The following PSD3 variants were observed in gnomAD, a reference collection of about 807,000 sequenced individuals.
The protein encoded by PSD3 is PH and SEC7 domain-containing protein 3.
Under a neutral mutation model 105.5 loss-of-function variants are expected in PSD3, and 49 were observed. That is an observed-to-expected ratio of 0.46 (90% CI 0.37 to 0.59). PSD3 has a LOEUF of 0.59. PSD3 is among the 20% of genes least tolerant of loss of function. The probability of loss-of-function intolerance (pLI) is 0.00; values close to 1 mark genes in which losing one functional copy is unlikely to be tolerated. For synonymous variants in PSD3, 557 were observed against 457.8 expected (o/e 1.22, Z -2.77); for missense variants, 1,561 against 1,263.8 (o/e 1.24, Z -3.57).
intron 15 of PSD3, among the ~76,000 whole-genome samples, chr8:18,550,142 A>T (rs1416175777): frequency 6.6e-6 from 1 of 152,200 alleles, no homozygotes; most frequent in East Asian, 1.9e-4. Flanking sequence ...TGATTGATGA[A>T]GGAGGGATTT....
chr8:18,564,403 C>T (rs751541672), intron 14 of PSD3, among the ~76,000 whole-genome samples: 2 of 151,974 alleles, frequency 1.3e-5, no homozygotes, highest in Non-Finnish European at 2.9e-5. Flanking sequence ...CCGATGCGGG[C>T]GGATCACCTG....
At chr8:18,715,546 T>C (rs1372158677) in intron 9 of PSD3, among the ~76,000 whole-genome samples, 1 of 152,212 alleles carries the variant, frequency 6.6e-6, no homozygotes, top group East Asian at 1.9e-4. Context: ...TGGAATGTTT[T>C]TCCTACAGAC....
chr8:18,625,187 T>TACACAC (rs3042894), intron 11 of PSD3, among the ~76,000 whole-genome samples: 2,277 of 149,356 alleles, frequency 0.015, 49 homozygotes, highest in African/African-American at 0.052. Context: ...AGGTGGGGAA[T>TACACAC]ACACACACAC....
chr8:18,785,986 T>C (rs1311495160), intron 8 of PSD3, among the ~76,000 whole-genome samples: 2 of 152,178 alleles, frequency 1.3e-5, no homozygotes, highest in East Asian at 3.8e-4. Context: ...CTTCACTTTG[T>C]TAGGAAAAAT....
At chr8:18,938,726 T>C (rs1586477951) in intron 1 of PSD3, among the ~76,000 whole-genome samples, 1 of 151,822 alleles carries the variant, frequency 6.6e-6, no homozygotes, top group African/African-American at 2.4e-5. Context: ...ATGTAATACA[T>C]GGAATATCTC....
upstream of PSD3, among the ~76,000 whole-genome samples, chr8:19,018,354 C>CT (rs765723109): frequency 3.1e-4 from 37 of 119,384 alleles, no homozygotes; most frequent in African/African-American, 1.2e-3. Flanking sequence ...ATTAAATGCT[C>CT]TTTTTAAAAA....
intron 2 of PSD3, among the ~76,000 whole-genome samples, chr8:18,906,304 C>A (rs1819845285): frequency 2.6e-5 from 4 of 152,190 alleles, no homozygotes; most frequent in African/African-American, 9.7e-5. Flanking sequence ...CTGTAACTCA[C>A]CTAATAAATT....
Position 18,935,965 on chromosome 8 carries a change from G to T in PSD3, c.130+69C>A, listed in dbSNP as rs796148442. The stretch of plus-strand genomic sequence containing the variant: ...GGAAGAAGAAAGTAATGCAGGTGGA[G>T]AAAAATCACTTTGAAATCACAGCTC... On this transcript the variant is annotated intron_variant, in intron 2 of 15. Coordinates refer to ENST00000327040, the MANE Select transcript of PSD3 (RefSeq NM_015310.4). 6 of 1,012,760 alleles carry T rather than the reference G, an allele frequency of 5.9e-6. No individual in the cohort carries two copies. The South Asian group carries it at 7.2e-5, about 12-fold the overall frequency. The allele number at this position is 1,012,760 out of a possible 1,614,324, so 62.7% of individuals were successfully genotyped here. A position where few individuals can be genotyped will look rare whatever the true frequency, so the allele number is the denominator to read the frequency against.
intron 2 of PSD3, among the ~76,000 whole-genome samples, chr8:18,920,650 C>A (rs780470235): frequency 1.3e-5 from 2 of 152,056 alleles, no homozygotes; most frequent in African/African-American, 2.4e-5. Context: ...ATCCTAAGGC[C>A]GGATCATTAG....
At chr8:19,055,065 T>A (rs1376294581) in intron 1 of PSD3, among the ~76,000 whole-genome samples, 1 of 152,174 alleles carries the variant, frequency 6.6e-6, no homozygotes, top group East Asian at 1.9e-4. Flanking sequence ...AAAGCTCTGA[T>A]TCCTCTACTT....
chr8:18,583,387 C>G (rs1044652724), intron 12 of PSD3, among the ~76,000 whole-genome samples: 16 of 152,016 alleles, frequency 1.1e-4, no homozygotes, highest in Admixed American at 2.0e-4. Flanking sequence ...GCTGAGACAC[C>G]GCCATTGCAC....
intron 1 of PSD3, among the ~76,000 whole-genome samples, chr8:19,030,012 A>G (rs1189156430): frequency 6.6e-6 from 1 of 152,294 alleles, no homozygotes; most frequent in African/African-American, 2.4e-5. Context: ...TTAATGCAAT[A>G]TGGAATAGTA....
chr8:19,044,192 C>G (rs923267613), intron 1 of PSD3, among the ~76,000 whole-genome samples: 1 of 152,236 alleles, frequency 6.6e-6, no homozygotes, highest in Admixed American at 6.5e-5. Context: ...CAATATTTAT[C>G]ACTTTCATTG....
Position 18,939,011 on chromosome 8 carries a change from C to A in PSD3, c.22-2869G>T, listed in dbSNP as rs534981520. 2.2e-4 allele frequency among the ~76,000 whole-genome samples: 27 copies of A among 120,900 alleles called. 1 individual carries two copies. The South Asian group carries it at 3.3e-3, about 15-fold the overall frequency. 79.3% of individuals were successfully genotyped at this position (120,900 alleles called of 152,430 possible). A position where few individuals can be genotyped will look rare whatever the true frequency, so the allele number is the denominator to read the frequency against. On this transcript the variant is annotated intron_variant, in intron 1 of 15. Transcript: ENST00000327040. ...GGGCTTCCAAGTGATGCCCCAAGGA[C>A]TCACTAAAACATCAGAAAGAACATT...
intron 11 of PSD3, among the ~76,000 whole-genome samples, chr8:18,601,253 T>C (rs1163902997): frequency 1.3e-5 from 2 of 152,222 alleles, no homozygotes; most frequent in Non-Finnish European, 2.9e-5. Context: ...AAGCAATAGA[T>C]TAGCAAAACA....
intron 11 of PSD3, among the ~76,000 whole-genome samples, chr8:18,603,846 C>T (rs1344372345): frequency 2.0e-5 from 3 of 152,194 alleles, no homozygotes; most frequent in African/African-American, 7.2e-5. Flanking sequence ...GTTCCCCCTT[C>T]ACTTTCAGCT....
intron 10 of PSD3, among the ~76,000 whole-genome samples, chr8:18,648,357 G>C (rs529942767): frequency 6.6e-5 from 10 of 152,190 alleles, no homozygotes; most frequent in Non-Finnish European, 1.2e-4. Flanking sequence ...CTAAAGCAAA[G>C]GTTATGTTTG....
chr8:18,948,162 T>C (rs1376708656), intron 1 of PSD3, among the ~76,000 whole-genome samples: 1 of 152,184 alleles, frequency 6.6e-6, no homozygotes, highest in Admixed American at 6.5e-5. Flanking sequence ...CCCTACCTAT[T>C]CCTGACCTTT....
chr8:18,879,289 G>T (rs1817959412), intron 2 of PSD3, among the ~76,000 whole-genome samples: 1 of 152,068 alleles, frequency 6.6e-6, no homozygotes, highest in East Asian at 1.9e-4. Context: ...AGAAAACGAG[G>T]TCAGATAAGA....
Sources: gnomAD v4.1 joint callset for allele counts (sites outside exome capture counted in the v4.1 genomes callset) on GRCh38, gnomAD v4.1.1 for gene constraint, MANE v1.5 for transcripts, NCBI Gene and HGNC (gene_info 2026-07-23, HGNC 2026-07-21) for gene names.